BMP5: variants seen among roughly 807,000 people sequenced by gnomAD.
The protein encoded by BMP5 is bone morphogenetic protein 5.
A neutral mutation model predicts 46.6 loss-of-function variants in BMP5; 23 were observed. The observed-to-expected ratio is 0.49, with a 90% CI of 0.35 to 0.70. BMP5 has a LOEUF of 0.70. BMP5 is among the 30% of genes least tolerant of loss of function. The probability of loss-of-function intolerance (pLI) is 0.00; values close to 1 mark genes in which losing one functional copy is unlikely to be tolerated. For synonymous variants in BMP5, 204 were observed against 191.9 expected, an observed-to-expected ratio of 1.06 and a Z score of -0.52; for missense variants, 545 against 565.6, an observed-to-expected ratio of 0.96 and a Z score of 0.37.
chr6:55,854,982 C>A (rs954933235), intron 1 of BMP5, among the ~76,000 whole-genome samples: 1 of 151,874 alleles, frequency 6.6e-6, no homozygotes, highest in African/African-American at 2.4e-5. Flanking sequence ...TAGTCTGGAC[C>A]AATTTATGTA....
chr6:55,874,703 T>C lies in BMP5; in HGVS notation c.163A>G (p.Ile55Val), dbSNP rs1164171246. ...NHERREIQRE[I>V]LSILGLPHRP... The stretch of plus-strand genomic sequence containing the variant: ...TGAGGCAAACCCAAGATAGAGAGAA[T>C]TTCCCTTTGTATTTCCCGTCTTTCG... Residue 55 changes from isoleucine to valine, a missense_variant, in exon 1 of 7, where the codon ATT becomes GTT. Physicochemically the swap from Ile to Val is conservative, Grantham distance 29. Coordinates refer to ENST00000370830, the MANE Select transcript of BMP5 (RefSeq NM_021073.4). The C allele has an allele frequency of 3.1e-6, 5 of 1,613,442 alleles. No individual in the cohort carries two copies. Among genetic ancestry groups the C allele is most frequent in the Non-Finnish European group, 4.2e-6 (5 of 1,179,724 alleles).
intron 4 of BMP5, among the ~76,000 whole-genome samples, chr6:55,770,167 A>C (rs1024820477): frequency 6.6e-6 from 1 of 151,960 alleles, no homozygotes; most frequent in Non-Finnish European, 1.5e-5. Flanking sequence ...TAGCTATGAA[A>C]GTCCTACATA....
intron 4 of BMP5, among the ~76,000 whole-genome samples, chr6:55,771,311 T>G (rs961872707): frequency 6.6e-6 from 1 of 151,874 alleles, no homozygotes; most frequent in Non-Finnish European, 1.5e-5. Flanking sequence ...GGCTCCATTT[T>G]CTTTCCTCTC....
chr6:55,869,941 G>A (rs573793062), intron 1 of BMP5, among the ~76,000 whole-genome samples: 1 of 152,032 alleles, frequency 6.6e-6, no homozygotes, highest in Non-Finnish European at 1.5e-5. Flanking sequence ...CAGGACGAAA[G>A]GCAGACCCCA....
At chr6:55,835,086 C>CAAAA (rs757850483) in intron 1 of BMP5, among the ~76,000 whole-genome samples, 5 of 112,584 alleles carry the variant, frequency 4.4e-5, no homozygotes, top group African/African-American at 1.5e-4. Flanking sequence ...AACTCCATCT[C>CAAAA]AAAAAAAAAA....
intron 4 of BMP5, among the ~76,000 whole-genome samples, chr6:55,762,423 G>T (rs1582043844): frequency 6.6e-6 from 1 of 152,178 alleles, no homozygotes; most frequent in East Asian, 1.9e-4. Flanking sequence ...TAAAAAACAA[G>T]CTAATGATTA....
intron 1 of BMP5, among the ~76,000 whole-genome samples, chr6:55,856,763 C>T (rs1777409329): frequency 1.3e-5 from 2 of 151,992 alleles, no homozygotes; most frequent in Admixed American, 6.6e-5. Context: ...ATCATGATTT[C>T]ATACATATCA....
chr6:55,812,113 T>C (rs1392972235), intron 2 of BMP5, among the ~76,000 whole-genome samples: 1 of 152,178 alleles, frequency 6.6e-6, no homozygotes, highest in Non-Finnish European at 1.5e-5. Flanking sequence ...ATGCCAGATA[T>C]ATGAGGTGTG....
At position 55,866,821 on chromosome 6, in the gene BMP5, C is replaced by T. The variant is rs1777650922; in HGVS notation, c.490+7555G>A. Among the ~76,000 whole-genome samples, 3 of 152,226 alleles carry T rather than the reference C, an allele frequency of 2.0e-5. No homozygotes were observed. The South Asian group carries it at 6.2e-4, about 32-fold the overall frequency. ...ACAATTTAAGGATTTTTTCTTTCAG[C>T]ATGCCATGCTTATATTTACCACTTT... On this transcript the variant is annotated intron_variant, in intron 1 of 6. Coordinates refer to ENST00000370830, the MANE Select transcript of BMP5 (RefSeq NM_021073.4).
intron 3 of BMP5, among the ~76,000 whole-genome samples, chr6:55,788,204 T>A (rs1235657634): frequency 6.6e-6 from 1 of 151,690 alleles, no homozygotes; most frequent in Non-Finnish European, 1.5e-5. Flanking sequence ...ATTAGCCCCA[T>A]ATATAATCCT....
chr6:55,782,348 G>A (rs1299704371), intron 3 of BMP5, among the ~76,000 whole-genome samples: 2 of 152,144 alleles, frequency 1.3e-5, no homozygotes, highest in Admixed American at 6.5e-5. Context: ...TGATCATAAA[G>A]CATTCTTCTG....
chr6:55,799,308 G>A (rs1226891824), intron 2 of BMP5, among the ~76,000 whole-genome samples: 1 of 151,972 alleles, frequency 6.6e-6, no homozygotes, highest in African/African-American at 2.4e-5. Flanking sequence ...ATGAGTTTTG[G>A]GAAAGTATTA....
intron 3 of BMP5, among the ~76,000 whole-genome samples, chr6:55,780,886 T>C (rs1002912685): frequency 3.9e-5 from 6 of 152,044 alleles, no homozygotes; most frequent in Non-Finnish European, 8.8e-5. Context: ...AAATGTTTTA[T>C]TGCATGGAGG....
intron 2 of BMP5, among the ~76,000 whole-genome samples, chr6:55,799,303 T>G (rs1775788599): frequency 6.6e-6 from 1 of 152,148 alleles, no homozygotes; most frequent in Non-Finnish European, 1.5e-5. Flanking sequence ...GACCTATGAG[T>G]TTTGGGAAAG....
At position 55,850,971 on chromosome 6, in the gene BMP5, TG is replaced by T. The variant is rs142480927; in HGVS notation, c.490+23404del. Among the ~76,000 whole-genome samples the T allele has an allele frequency of 8.0e-3, 1,220 of 152,298 alleles. 18 individuals carry two copies. Among genetic ancestry groups the T allele is most frequent in the African/African-American group, 0.027 (1,140 of 41,568 alleles). On this transcript the variant is annotated intron_variant, in intron 1 of 6. Coordinates refer to ENST00000370830, the MANE Select transcript of BMP5 (RefSeq NM_021073.4). ...TTTTCTGCACTGCATAGCAGTTGAA[TG>T]GTAAAAGATAGCTACTACCAAAGTT...
intron 3 of BMP5, among the ~76,000 whole-genome samples, chr6:55,774,597 C>T (rs1775126376): frequency 6.6e-6 from 1 of 151,962 alleles, no homozygotes; most frequent in African/African-American, 2.4e-5. Flanking sequence ...TAGCTATGGG[C>T]TCTTCGGCAC....
chr6:55,793,469 A>G (rs1274979652), intron 3 of BMP5, among the ~76,000 whole-genome samples: 2 of 152,142 alleles, frequency 1.3e-5, no homozygotes, highest in Admixed American at 1.3e-4. Flanking sequence ...GCTCACTTTT[A>G]TATCTCCAGA....
chr6:55,798,572 A>C (rs2127530657), intron 2 of BMP5, among the ~76,000 whole-genome samples: 1 of 152,312 alleles, frequency 6.6e-6, no homozygotes, highest in East Asian at 1.9e-4. Flanking sequence ...TGGTTAATAA[A>C]GTCATCATGC....
chr6:55,798,369 T>A (rs1388025907), intron 2 of BMP5, among the ~76,000 whole-genome samples: 2 of 152,206 alleles, frequency 1.3e-5, no homozygotes, highest in African/African-American at 4.8e-5. Context: ...ATGTAAATAT[T>A]CCTGGATGTG....
Sources: allele counts gnomAD v4.1 joint callset (sites outside exome capture counted in the v4.1 genomes callset), GRCh38; gene constraint gnomAD v4.1.1; transcripts MANE v1.5; gene names NCBI Gene and HGNC (gene_info 2026-07-23, HGNC 2026-07-21).